Variants in PRDM15 observed in about 807,000 individuals in gnomAD.
PRDM15 encodes the protein PR domain zinc finger protein 15.
In PRDM15, 64 loss-of-function variants were observed where a neutral mutation model predicts 128.6. The ratio of observed to expected loss-of-function variants is 0.50; its 90% CI spans 0.41 to 0.61. PRDM15 has a LOEUF of 0.61. Among genes scored for constraint, PRDM15 ranks in the 20% least tolerant of loss-of-function variants. PRDM15 has a pLI of 0.00. For synonymous variants in PRDM15, 615 were observed against 621.8 expected, an observed-to-expected ratio of 0.99 and a Z score of 0.16; for missense variants, 1,242 against 1,569.1, an observed-to-expected ratio of 0.79 and a Z score of 3.52.
At chr21:41,823,105 C>T (rs1365794927) in intron 14 of PRDM15, 1 of 613,694 alleles carries the variant, frequency 1.6e-6, no homozygotes, top group Non-Finnish European at 3.0e-6. Flanking sequence ...TGTGAGGACA[C>T]AGTGAGAAGG....
chr21:41,878,460 C>T (rs942217316), intron 1 of PRDM15, among the ~76,000 whole-genome samples: 2 of 152,186 alleles, frequency 1.3e-5, no homozygotes, highest in African/African-American at 4.8e-5. Flanking sequence ...TTTCTATTTT[C>T]TCAAGGCTAA....
intron 18 of PRDM15, 73 bp downstream of exon 18, chr21:41,819,509 A>C (rs1187522038): frequency 8.2e-7 from 1 of 1,216,782 alleles, no homozygotes; most frequent in South Asian, 1.4e-5. Flanking sequence ...GTTCTCGCTC[A>C]TGTCCCCTTC....
In PRDM15 at chr21:41,801,510, G is replaced by A; in HGVS notation, c.3156C>T (p.Ala1052=). 1.9e-6 allele frequency: 3 copies of A among 1,614,230 alleles called. No homozygotes were observed. The highest frequency in any genetic ancestry group is 2.5e-6 in the Non-Finnish European group (3 of 1,180,042). The stretch of plus-strand genomic sequence containing the variant: ...CGTCATTTTGGCGGTTGTGCAACAT[G>A]GCAGAGCCGCTGACGGTATCAAAGG... ...TVTFDTVSGS[A]MLHNRQNDVQ... The change falls in exon 24 of 24, where the codon GCC becomes GCT. Residue 1052 remains alanine, a synonymous_variant. Coordinates refer to ENST00000398548, the MANE Select transcript of PRDM15 (RefSeq NM_001040424.3).
At chr21:41,869,510 G>C (rs139696126) in intron 1 of PRDM15, among the ~76,000 whole-genome samples, 1 of 150,666 alleles carries the variant, frequency 6.6e-6, no homozygotes, top group African/African-American at 2.4e-5. Context: ...CCAATGGTGC[G>C]ATCTCGGCTC....
intron 1 of PRDM15, chr21:41,871,701 A>C (rs1165540741): frequency 2.0e-6 from 3 of 1,464,616 alleles, no homozygotes; most frequent in Non-Finnish European, 1.8e-6. Flanking sequence ...CATGACAGAA[A>C]CTAACAGTGG....
chr21:41,799,432 T>C lies in PRDM15; in HGVS notation c.*1808A>G, dbSNP rs1203405006. On this transcript the variant is annotated 3_prime_UTR_variant, in exon 24 of 24. Coordinates refer to ENST00000398548, the MANE Select transcript of PRDM15 (RefSeq NM_001040424.3). Reference sequence around the variant, plus strand: ...AATTATATACATAAATAACATAAAATAATTCTCATAAATTAAAAGTCAAAT... The same window carrying C: ...AATTATATACATAAATAACATAAAACAATTCTCATAAATTAAAAGTCAAAT... The C allele has an allele frequency of 6.6e-6, 1 of 152,170 alleles. No individual in the cohort carries two copies. The highest frequency in any genetic ancestry group is 1.5e-5 in the Non-Finnish European group (1 of 68,020). The allele number at this position is 152,170 out of a possible 1,614,324, so 9.4% of individuals were successfully genotyped here. A position where few individuals can be genotyped will look rare whatever the true frequency, so the allele number is the denominator to read the frequency against.
intron 22 of PRDM15, among the ~76,000 whole-genome samples, chr21:41,803,939 T>C (rs2061487000): frequency 6.6e-6 from 1 of 151,942 alleles, no homozygotes; most frequent in Non-Finnish European, 1.5e-5. Context: ...TTATTTTGCT[T>C]AGAACATTTT....
chr21:41,802,889 G>A lies in PRDM15; in HGVS notation c.2766C>T (p.Ala922=), dbSNP rs115836028. 1.4e-4 allele frequency: 227 copies of A among 1,613,890 alleles called. No homozygotes were observed. The African/African-American group carries it at 2.2e-3, about 15-fold the overall frequency. The part of the protein sequence containing the change: ...PELTLEQEDL[A]EGKHGKAAKR... ...TGGCAGCTTTCCCGTGCTTCCCTTC[G>A]GCCAAATCCTCCTGCTCCAGAGTCA... Residue 922 remains alanine, a synonymous_variant, in exon 23 of 24, where the codon GCC becomes GCT. Coordinates refer to ENST00000398548, the MANE Select transcript of PRDM15 (RefSeq NM_001040424.3).
intron 11 of PRDM15, chr21:41,834,465 G>C (rs1229857618): frequency 1.3e-6 from 2 of 1,521,768 alleles, no homozygotes; most frequent in East Asian, 4.9e-5. Context: ...GACAGACACA[G>C]AGCAGGCGGA....
At position 41,854,810 on chromosome 21, in the gene PRDM15, C is replaced by G; in HGVS notation, c.294G>C (p.Gln98His). Reference protein sequence around the residue: ...KESAFPLKVFQKDGHPVCFDT... With the variant: ...KESAFPLKVFHKDGHPVCFDT... ...CGAAGCACACGGGGTGCCCGTCCTT[C>G]TGGAACACCTGAAGGTGAGTCGGCC... The change falls in exon 5 of 24, where the codon CAG becomes CAC. Residue 98 changes from glutamine (Q) to histidine (H), a missense_variant. Coordinates refer to ENST00000398548, the MANE Select transcript of PRDM15 (RefSeq NM_001040424.3). The surrounding 1 kb of genome is among the most constrained non-coding windows in gnomAD (Gnocchi z 4.6). 2 of 1,599,618 alleles carry G rather than the reference C, an allele frequency of 1.3e-6. No homozygotes were observed. The highest frequency in any genetic ancestry group is 1.7e-6 in the Non-Finnish European group (2 of 1,168,992).
At chr21:41,878,199 G>C (rs1809137097) in intron 1 of PRDM15, among the ~76,000 whole-genome samples, 1 of 152,254 alleles carries the variant, frequency 6.6e-6, no homozygotes, top group Non-Finnish European at 1.5e-5. Context: ...AAATTCACTT[G>C]AGTCTGGCTT....
At chr21:41,833,677 G>A (rs1225582757) in intron 11 of PRDM15, among the ~76,000 whole-genome samples, 1 of 152,178 alleles carries the variant, frequency 6.6e-6, no homozygotes, top group African/African-American at 2.4e-5. Flanking sequence ...GGGAAGAGGT[G>A]GTGCGATGCA....
Position 41,854,485 on chromosome 21 carries a change from G to A in PRDM15, c.538+81C>T. 6.4e-7 allele frequency: 1 copy of A among 1,550,476 alleles called. No individual in the cohort carries two copies. Among genetic ancestry groups the A allele is most frequent in the Admixed American group, 1.8e-5 (1 of 54,562 alleles). ...GCCCAACCCATCTCATCAGTGTGGG[G>A]TCAGCACAGAGCCAAGGGACCATAA... On this transcript the variant is annotated intron_variant, in intron 5 of 23. Coordinates refer to ENST00000398548, the MANE Select transcript of PRDM15 (RefSeq NM_001040424.3). The surrounding 1 kb of genome is among the most constrained non-coding windows in gnomAD (Gnocchi z 4.6).
chr21:41,834,596 A>T (rs1329019198), intron 11 of PRDM15: 1 of 1,529,648 alleles, frequency 6.5e-7, no homozygotes. Flanking sequence ...GGCAACAGTG[A>T]CTCACCCCTC....
chr21:41,804,409 G>GTTA, intron 22 of PRDM15, 125 bp downstream of exon 22: 1 of 709,126 alleles, frequency 1.4e-6, no homozygotes, highest in Non-Finnish European at 2.4e-6. Context: ...CAAGAAAACA[G>GTTA]GGTAACCTGG....
intron 12 of PRDM15, among the ~76,000 whole-genome samples, chr21:41,827,320 C>T (rs749565911): frequency 6.6e-6 from 1 of 152,232 alleles, no homozygotes; most frequent in African/African-American, 2.4e-5. Flanking sequence ...AAGGCACATG[C>T]GTATGCCTAT....
chr21:41,802,619 A>T, intron 23 of PRDM15, 93 bp downstream of exon 23: 1 of 1,001,016 alleles, frequency 1.0e-6, no homozygotes, highest in Non-Finnish European at 1.6e-6. Context: ...TACACTGTGT[A>T]TAGTAAAAAG....
chr21:41,812,461 G>T (rs2061896084), intron 19 of PRDM15: 1 of 152,072 alleles, frequency 6.6e-6, no homozygotes, highest in Admixed American at 6.5e-5. Context: ...GAGGCGTACA[G>T]ATAATCCTGT....
In PRDM15 at chr21:41,801,525, G is replaced by T; in HGVS notation, c.3141C>A (p.Thr1047=). ...DNSILTVTFD[T]VSGSAMLHNR... Reference sequence around the variant, plus strand: ...TGTGCAACATGGCAGAGCCGCTGACGGTATCAAAGGTCACGGTCAGGATTG... The same window carrying T: ...TGTGCAACATGGCAGAGCCGCTGACTGTATCAAAGGTCACGGTCAGGATTG... The change falls in exon 24 of 24, where the codon ACC becomes ACA. Residue 1047 remains threonine (T), a synonymous_variant. Transcript: ENST00000398548. The T allele has an allele frequency of 6.2e-7, 1 of 1,614,204 alleles. No individual in the cohort carries two copies. Among genetic ancestry groups the T allele is most frequent in the Non-Finnish European group, 8.5e-7 (1 of 1,180,022 alleles).
Sources: gnomAD v4.1 joint callset for allele counts (sites outside exome capture counted in the v4.1 genomes callset) on GRCh38, gnomAD v4.1.1 for gene constraint, Gnocchi (gnomAD v3.1) non-coding constraint, MANE v1.5 for transcripts, NCBI Gene and HGNC (gene_info 2026-07-23, HGNC 2026-07-21) for gene names.